MYO15A: variants seen among roughly 807,000 people sequenced by gnomAD.
The protein encoded by MYO15A is myosin XVA.
Under a neutral mutation model 394.6 loss-of-function variants are expected in MYO15A, and 308 were observed. The ratio of observed to expected loss-of-function variants is 0.78; its 90% CI spans 0.71 to 0.86. The LOEUF is 0.86. Ranked by LOEUF, MYO15A falls within the 40% of genes least tolerant of loss-of-function variation. MYO15A has a pLI of 0.00. For missense variants in MYO15A, 4,606 were observed against 4,799.1 expected (o/e 0.96, Z 1.19); for synonymous variants, 1,957 against 2,003.8 (o/e 0.98, Z 0.62).
At position 18,153,894 on chromosome 17, in the gene MYO15A, G is replaced by A. The variant is rs1360858274; in HGVS notation, c.8086G>A (p.Glu2696Lys). ...DAPWKIFLRK[E>K]VFYPKDSYSH... The stretch of plus-strand genomic sequence containing the variant: ...CCCCTGGAAGATCTTCCTGCGCAAA[G>A]AGGTGCCGAGCACAGCCGTAGCCAG... Residue 2696 changes from glutamate (E) to lysine (K), a missense_variant and splice_region_variant, in exon 43 of 66, where the codon GAG becomes AAG. By Grantham distance (56) the Glu-to-Lys change is moderately conservative. Transcript: ENST00000647165. The surrounding 1 kb of genome is among the most constrained non-coding windows in gnomAD (Gnocchi z 4.1). 2 of 1,613,558 alleles carry A rather than the reference G, an allele frequency of 1.2e-6. No homozygotes were observed. Among genetic ancestry groups the A allele is most frequent in the South Asian group, 2.2e-5 (2 of 91,084 alleles).
At chr17:18,166,243 G>T in intron 60 of MYO15A, 118 bp from the exon 61 acceptor site, 2 of 1,349,452 alleles carry the variant, frequency 1.5e-6, no homozygotes, top group Non-Finnish European at 2.1e-6. Flanking sequence ...CAGGTGGCTT[G>T]TCCGAGGTGA....
In MYO15A at chr17:18,149,199, G is replaced by A. The variant is rs1415347145; in HGVS notation, c.6957-17G>A. The A allele has an allele frequency of 6.2e-7, 1 of 1,613,826 alleles. No homozygotes were observed. The highest frequency in any genetic ancestry group is 1.1e-5 in the South Asian group (1 of 91,040). The stretch of plus-strand genomic sequence containing the variant: ...TCTCTCTGGGGGTCAGTAGCTCCAT[G>A]TTCCTTTTCTCCACAGGGTGTTTGG... On this transcript the variant is annotated splice_polypyrimidine_tract_variant and intron_variant, in intron 33 of 65. Coordinates refer to ENST00000647165, the MANE Select transcript of MYO15A (RefSeq NM_016239.4).
At chr17:18,157,359 A>T in intron 50 of MYO15A, 129 bp downstream of exon 50, 1 of 1,295,662 alleles carries the variant, frequency 7.7e-7, no homozygotes, top group Non-Finnish European at 1.1e-6. Flanking sequence ...CCTAAGGTCC[A>T]GCCGTGGCCT....
intron 7 of MYO15A, 139 bp downstream of exon 7, chr17:18,127,304 G>A (rs1487487990): frequency 9.2e-7 from 1 of 1,085,542 alleles, no homozygotes; most frequent in Non-Finnish European, 1.3e-6. Flanking sequence ...CTTGCCCAGG[G>A]CTGCTTTTTC....
At chr17:18,137,722 C>T (rs1246101854) in intron 16 of MYO15A, 43 bp downstream of exon 16, 1 of 1,583,684 alleles carries the variant, frequency 6.3e-7, no homozygotes, top group Admixed American at 1.7e-5. Flanking sequence ...TCTTGACTGG[C>T]CAGTGGACCT....
chr17:18,126,303 G>T lies in MYO15A; in HGVS notation c.3757-44G>T, dbSNP rs1161110950. 3 of 1,498,048 alleles carry T rather than the reference G, an allele frequency of 2.0e-6. No homozygotes were observed. In the East Asian group the frequency reaches 6.8e-5, roughly 34 times the overall value. 92.8% of individuals were successfully genotyped at this position (1,498,048 alleles called of 1,614,324 possible). ...GCATAGGGGAGGGAGGGACATAGAG[G>T]TCTGCAAGGAGCCACGACGCTGAGG... On this transcript the variant is annotated intron_variant, in intron 4 of 65. Transcript: ENST00000647165.
At chr17:18,176,604 T>G (rs1294847520) in intron 65 of MYO15A, 1 of 143,824 alleles carries the variant, frequency 7.0e-6, no homozygotes, top group Non-Finnish European at 1.5e-5. Context: ...TGGAGTAATC[T>G]CGGCTCACTA....
intron 65 of MYO15A, among the ~76,000 whole-genome samples, chr17:18,175,128 A>G (rs1468412734): frequency 1.5e-5 from 2 of 136,718 alleles, no homozygotes; most frequent in Non-Finnish European, 3.1e-5. Flanking sequence ...TATGTTGCCC[A>G]GACTAGTCTT....
chr17:18,170,159 G>A (rs897812868), intron 62 of MYO15A, among the ~76,000 whole-genome samples: 1 of 151,844 alleles, frequency 6.6e-6, no homozygotes, highest in Non-Finnish European at 1.5e-5. Flanking sequence ...CTGTACACTT[G>A]TGAGAGCACA....
In MYO15A at chr17:18,149,476, T is replaced by C; in HGVS notation, c.7118-10T>C. ...AAAAGAACTTGACATTTTTGTGCCT[T>C]CCCCTCCAGAGTCAGACAGTCTTGG... On this transcript the variant is annotated splice_polypyrimidine_tract_variant and intron_variant, in intron 34 of 65. Transcript: ENST00000647165. 1 of 1,614,104 alleles carries C rather than the reference T, an allele frequency of 6.2e-7. No homozygotes were observed. Among genetic ancestry groups the C allele is most frequent in the Non-Finnish European group, 8.5e-7 (1 of 1,180,020 alleles).
chr17:18,154,059 G>T, intron 43 of MYO15A, 72 bp from the exon 44 acceptor site: 1 of 1,606,918 alleles, frequency 6.2e-7, no homozygotes, highest in Non-Finnish European at 8.5e-7. Context: ...ACTGCATTTA[G>T]GGGGCGGGGC....
In MYO15A at chr17:18,148,919, AG is replaced by A; in HGVS notation, c.6927del (p.Pro2310LeufsTer107). 6.2e-7 allele frequency: 1 copy of A among 1,604,604 alleles called. No homozygotes were observed. Among genetic ancestry groups the A allele is most frequent in the Non-Finnish European group, 8.5e-7 (1 of 1,175,688 alleles). ...AAGTCCTACTTCATTGTGGGCACAG[AG>A]GGGCCTGCAGCCAGCAGGGGAGGCC... is the stretch of plus-strand genomic sequence containing the variant. ...RQKSYFIVGT[E>X]GPAASRGGPK... On this transcript the variant is annotated frameshift_variant, in exon 33 of 66. Transcript: ENST00000647165. LOFTEE classifies it high-confidence loss of function. This position sits in a 1 kb window ranked among gnomAD's most constrained non-coding sequence, Gnocchi z 4.8.
Position 18,126,435 on chromosome 17 carries a change from G to T in MYO15A, c.3845G>T (p.Arg1282Leu). The T allele has an allele frequency of 6.2e-7, 1 of 1,613,908 alleles. No individual in the cohort carries two copies. Among genetic ancestry groups the T allele is most frequent in the South Asian group, 1.1e-5 (1 of 91,060 alleles). Reference sequence around the variant, plus strand: ...GAGCAGGTGCAGCAGTACAACGGACGGGCCCTGGGAGAGAATCCCCCGTGA... The same window carrying T: ...GAGCAGGTGCAGCAGTACAACGGACTGGCCCTGGGAGAGAATCCCCCGTGA... ...GPEQVQQYNG[R>L]ALGENPPHLF... The change falls in exon 5 of 66, where the codon CGG (arginine) becomes CTG (leucine). Residue 1282 changes from arginine (R) to leucine (L), a missense_variant. Physicochemically the swap from Arg to Leu is moderately radical, Grantham distance 102. This residue lies in a region of MYO15A where 2,776 missense variants were observed against 3,109.3 expected (regional missense o/e 0.89). Coordinates refer to ENST00000647165, the MANE Select transcript of MYO15A (RefSeq NM_016239.4).
intron 1 of MYO15A, among the ~76,000 whole-genome samples, chr17:18,110,792 G>A (rs974047439): frequency 5.3e-5 from 8 of 152,218 alleles, no homozygotes; most frequent in African/African-American, 1.9e-4. Context: ...CATTTCACAT[G>A]CCCTCAATCA....
rs751414677 is a variant in MYO15A at position 18,138,925 on chromosome 17, G to A, written c.5122G>A (p.Val1708Ile). The change falls in exon 18 of 66, where the codon GTC (valine) becomes ATC (isoleucine). Residue 1708 changes from valine to isoleucine, a missense_variant. Physicochemically the swap from Val to Ile is conservative, Grantham distance 29. Coordinates refer to ENST00000647165, the MANE Select transcript of MYO15A (RefSeq NM_016239.4). ...EFTIKHYAGK[V>I]TYQVHKFLDK... is the part of the protein sequence containing the mutation. ...CACCATCAAGCACTATGCAGGCAAG[G>A]TCACCTACCAGGTGAGCCCTAAGAC... 23 of 1,612,550 alleles carry A rather than the reference G, an allele frequency of 1.4e-5. 1 individual carries two copies. The East Asian group carries it at 5.1e-4, about 36-fold the overall frequency.
chr17:18,133,155 C>G (rs2046198370), intron 11 of MYO15A, 70 bp from the exon 12 acceptor site: 1 of 1,531,480 alleles, frequency 6.5e-7, no homozygotes, highest in African/African-American at 1.4e-5. Context: ...CTGGTCAGGG[C>G]AGAGCAGGAC....
chr17:18,133,661 G>A (rs192444509), intron 12 of MYO15A, among the ~76,000 whole-genome samples: 2 of 152,100 alleles, frequency 1.3e-5, no homozygotes, highest in Admixed American at 1.3e-4. Flanking sequence ...TTTTATTGGC[G>A]GGGAGGGGTC....
rs2045864091 is a variant in MYO15A at position 18,119,546 on chromosome 17, A to G, written c.746A>G (p.Gln249Arg). The G allele has an allele frequency of 3.7e-6, 6 of 1,608,436 alleles. No homozygotes were observed. The African/African-American group carries it at 5.3e-5, about 14-fold the overall frequency. ...GACGGCGACGACTACTACGACCGGC[A>G]GTCACTCCACCGCTACGAGGAGCAG... is the stretch of plus-strand genomic sequence containing the variant. ...HRDGDDYYDR[Q>R]SLHRYEEQEP... is the part of the protein sequence containing the mutation. The change falls in exon 2 of 66, where the codon CAG (glutamine) becomes CGG (arginine). Residue 249 changes from glutamine (Q) to arginine (R), a missense_variant. Gln to Arg is a conservative substitution (Grantham distance 43). This residue lies in a region of MYO15A where 1,830 missense variants were observed against 1,689.7 expected (regional missense o/e 1.08). Transcript: ENST00000647165.
rs377529092 is a variant in MYO15A at position 18,135,858 on chromosome 17, CT to C, written c.4596+37del. ...GTGGGCATCTGGCCTTCGAACAAAG[CT>C]TTCTACCAGGGCCTGGACAGAGCTG... On this transcript the variant is annotated intron_variant, in intron 13 of 65. Transcript: ENST00000647165. 41 of 1,583,734 alleles carry C rather than the reference CT, an allele frequency of 2.6e-5. No homozygotes were observed. In the Middle Eastern group the frequency reaches 6.6e-4, roughly 26 times the overall value.
Sources: gnomAD v4.1 joint callset for allele counts (sites outside exome capture counted in the v4.1 genomes callset) on GRCh38, gnomAD v4.1.1 for gene constraint, gnomAD v4.1.1 regional missense constraint, Gnocchi (gnomAD v3.1) non-coding constraint, MANE v1.5 for transcripts, NCBI Gene and HGNC (gene_info 2026-07-23, HGNC 2026-07-21) for gene names.